The following SHC3 variants were observed in gnomAD, a reference collection of about 807,000 sequenced individuals.
The protein encoded by SHC3 is SHC adaptor protein 3.
In SHC3, 15 loss-of-function variants were observed where a neutral mutation model predicts 60.4. That is an observed-to-expected ratio of 0.25 (90% CI 0.17 to 0.38). The LOEUF is 0.38. Among genes scored for constraint, SHC3 ranks in the 10% least tolerant of loss-of-function variants. The pLI, the probability that SHC3 is intolerant of heterozygous loss-of-function variation, is 1.00. For synonymous variants in SHC3, 294 were observed against 325.9 expected (o/e 0.90, Z 1.05); for missense variants, 677 against 786.1 (o/e 0.86, Z 1.66).
intron 1 of SHC3, among the ~76,000 whole-genome samples, chr9:89,116,973 G>A (rs1208257876): frequency 2.0e-5 from 3 of 152,114 alleles, no homozygotes; most frequent in Admixed American, 6.6e-5. Flanking sequence ...CAGATTTTCG[G>A]GATGATGCCC....
At chr9:89,023,847 G>A (rs2118649147) in intron 11 of SHC3, among the ~76,000 whole-genome samples, 1 of 152,296 alleles carries the variant, frequency 6.6e-6, no homozygotes, top group Non-Finnish European at 1.5e-5. Flanking sequence ...ATTTTTAAAA[G>A]GGTCTGTTGC....
chr9:89,135,943 T>C (rs1302782098), intron 1 of SHC3, among the ~76,000 whole-genome samples: 1 of 152,336 alleles, frequency 6.6e-6, no homozygotes, highest in South Asian at 2.1e-4. Context: ...AATATATTGC[T>C]GTCGTACTCC....
intron 1 of SHC3, among the ~76,000 whole-genome samples, chr9:89,128,019 T>C (rs1247119377): frequency 3.9e-5 from 6 of 152,106 alleles, no homozygotes; most frequent in Non-Finnish European, 8.8e-5. Context: ...ATACAACCAC[T>C]GGATCTTCTT....
chr9:89,111,957 C>A (rs533862741), intron 2 of SHC3, among the ~76,000 whole-genome samples: 11 of 152,288 alleles, frequency 7.2e-5, no homozygotes, highest in Non-Finnish European at 1.5e-4. Context: ...GGTGTAAGCT[C>A]TACTGGGAGC....
At chr9:89,165,416 G>T (rs1826772414) in intron 1 of SHC3, among the ~76,000 whole-genome samples, 1 of 149,804 alleles carries the variant, frequency 6.7e-6, no homozygotes, top group African/African-American at 2.5e-5. Context: ...TTTGTGTATT[G>T]TTTGAAACAT....
At chr9:89,035,873 G>A (rs1824571003) in intron 11 of SHC3, among the ~76,000 whole-genome samples, 4 of 146,344 alleles carry the variant, frequency 2.7e-5, no homozygotes, top group Admixed American at 2.1e-4. Context: ...GTGTGTGTGT[G>A]TGTGTGTGTG....
intron 1 of SHC3, among the ~76,000 whole-genome samples, chr9:89,113,087 A>T (rs915185343): frequency 1.3e-5 from 2 of 148,440 alleles, no homozygotes; most frequent in Non-Finnish European, 2.9e-5. Flanking sequence ...CAACATTTTC[A>T]TCAACATTAA....
At chr9:89,131,154 C>A (rs117098330) in intron 1 of SHC3, among the ~76,000 whole-genome samples, 3,259 of 152,236 alleles carry the variant, frequency 0.021, 113 homozygotes, top group East Asian at 0.18. Context: ...ACTAAAAAAT[C>A]TAGGAGAAAT....
intron 11 of SHC3, among the ~76,000 whole-genome samples, chr9:89,019,541 T>C (rs1252580805): frequency 6.6e-6 from 1 of 152,206 alleles, no homozygotes; most frequent in Non-Finnish European, 1.5e-5. Context: ...CTTGAACTAA[T>C]TGTGATTATA....
At chr9:89,030,370 A>G (rs990511844) in intron 11 of SHC3, among the ~76,000 whole-genome samples, 1 of 152,182 alleles carries the variant, frequency 6.6e-6, no homozygotes, top group Non-Finnish European at 1.5e-5. Flanking sequence ...CCAGAAACCA[A>G]CTAGACCTAA....
chr9:89,013,686 G>A lies in SHC3; in HGVS notation c.1657-111C>T, dbSNP rs534423263. ...TGAACTGGCCCAGAAGGAAAGGAGG[G>A]GGGGACAAGGGGCTTCCACCACTTT... On this transcript the variant is annotated intron_variant, in intron 11 of 11. Coordinates refer to ENST00000375835, the MANE Select transcript of SHC3 (RefSeq NM_016848.6). The A allele has an allele frequency of 2.7e-5, 39 of 1,421,308 alleles. 1 individual carries two copies. In the African/African-American group the frequency reaches 3.6e-4, roughly 13 times the overall value. 88.0% of individuals were successfully genotyped at this position (1,421,308 alleles called of 1,614,324 possible).
At chr9:89,177,889 G>C (rs1417427725) in intron 1 of SHC3, 98 bp downstream of exon 1, 4 of 1,130,804 alleles carry the variant, frequency 3.5e-6, no homozygotes, top group East Asian at 4.2e-5. Context: ...TGACAGTCGC[G>C]GGAGCGCCCC....
chr9:89,112,690 T>G, intron 1 of SHC3, 64 bp from the exon 2 acceptor site: 1 of 1,416,276 alleles, frequency 7.1e-7, no homozygotes. Context: ...AACTCCTAAC[T>G]ATACAAGGGC....
chr9:89,153,238 T>G (rs548643304), intron 1 of SHC3, among the ~76,000 whole-genome samples: 1 of 152,290 alleles, frequency 6.6e-6, no homozygotes, highest in African/African-American at 2.4e-5. Flanking sequence ...TTGCAGAAAA[T>G]TTTGGAAAAT....
At chr9:89,127,571 T>C (rs954032332) in intron 1 of SHC3, among the ~76,000 whole-genome samples, 11 of 152,182 alleles carry the variant, frequency 7.2e-5, no homozygotes, top group African/African-American at 2.7e-4. Flanking sequence ...TGTTCTGTTT[T>C]GCATTGTGTT....
chr9:89,167,053 C>CT (rs1181941538), intron 1 of SHC3, among the ~76,000 whole-genome samples: 1 of 151,680 alleles, frequency 6.6e-6, no homozygotes, highest in Non-Finnish European at 1.5e-5. Flanking sequence ...CAAATCATGA[C>CT]TTTTTTGTCC....
chr9:89,064,433 G>A (rs1258284967), intron 6 of SHC3, among the ~76,000 whole-genome samples: 1 of 152,198 alleles, frequency 6.6e-6, no homozygotes, highest in African/African-American at 2.4e-5. Context: ...GACAGGAACT[G>A]TATTGTGGGC....
chr9:89,018,917 GA>G (rs1399170563), intron 11 of SHC3, among the ~76,000 whole-genome samples: 1 of 151,332 alleles, frequency 6.6e-6, no homozygotes, highest in Non-Finnish European at 1.5e-5. Flanking sequence ...AAATTAGCCG[GA>G]CGTCATGGTG....
intron 6 of SHC3, among the ~76,000 whole-genome samples, chr9:89,065,124 A>G (rs1825156480): frequency 1.3e-5 from 2 of 152,210 alleles, no homozygotes. Context: ...GAGCTCAGAC[A>G]CTAACCTCTA....
Sources: gnomAD v4.1 joint callset for allele counts (sites outside exome capture counted in the v4.1 genomes callset) on GRCh38, gnomAD v4.1.1 for gene constraint, MANE v1.5 for transcripts, NCBI Gene and HGNC (gene_info 2026-07-23, HGNC 2026-07-21) for gene names.